Variants in SNX29 observed in about 807,000 individuals in gnomAD.
The protein encoded by SNX29 is sorting nexin-29.
In SNX29, 78 loss-of-function variants were observed where a neutral mutation model predicts 102.1. The observed-to-expected ratio is 0.76, with a 90% CI of 0.64 to 0.92. SNX29 has a LOEUF of 0.92. SNX29 is among the 40% of genes least tolerant of loss of function. The pLI is 0.00. For missense variants in SNX29, 1,280 were observed against 1,061.7 expected (o/e 1.21, Z -2.86); for synonymous variants, 580 against 414.5 (o/e 1.40, Z -4.85).
chr16:12,217,418 G>A (rs2077353010), intron 14 of SNX29, among the ~76,000 whole-genome samples: 1 of 152,186 alleles, frequency 6.6e-6, no homozygotes, highest in African/African-American at 2.4e-5. Flanking sequence ...GAGATACGGT[G>A]ATGGGGTCAG....
chr16:12,329,615 A>G (rs138274820), intron 15 of SNX29, among the ~76,000 whole-genome samples: 118 of 152,296 alleles, frequency 7.7e-4, no homozygotes, highest in Middle Eastern at 3.4e-3. Flanking sequence ...ACACAGCCCT[A>G]TGCAATAAAC....
chr16:12,406,520 C>T (rs1453388404), intron 18 of SNX29, among the ~76,000 whole-genome samples: 1 of 152,236 alleles, frequency 6.6e-6, no homozygotes, highest in African/African-American at 2.4e-5. Context: ...AGACATGTAG[C>T]TTTCTCAGGA....
intron 15 of SNX29, among the ~76,000 whole-genome samples, chr16:12,327,937 A>C (rs1017873262): frequency 3.3e-5 from 5 of 152,192 alleles, no homozygotes; most frequent in African/African-American, 1.2e-4. Context: ...GGATTTCCGC[A>C]TAATCTCCGT....
chr16:12,122,427 C>A (rs1427653502), intron 11 of SNX29, among the ~76,000 whole-genome samples: 2 of 151,934 alleles, frequency 1.3e-5, no homozygotes, highest in Non-Finnish European at 2.9e-5. Context: ...CAGGGCAGGC[C>A]CACGGACTCC....
chr16:12,127,265 A>T (rs979060139), intron 12 of SNX29, among the ~76,000 whole-genome samples: 104 of 151,910 alleles, frequency 6.8e-4, no homozygotes, highest in Non-Finnish European at 9.3e-4. Flanking sequence ...TCTCAAAAAA[A>T]AAAAATAAAA....
chr16:12,317,526 G>A (rs1490057199), intron 15 of SNX29, among the ~76,000 whole-genome samples: 1 of 152,176 alleles, frequency 6.6e-6, no homozygotes, highest in African/African-American at 2.4e-5. Flanking sequence ...TGGCCTCAAG[G>A]ATGGGAACGT....
intron 13 of SNX29, among the ~76,000 whole-genome samples, chr16:12,175,651 C>CAA (rs367874903): frequency 0.2 from 23,470 of 117,182 alleles, 2,099 homozygotes; most frequent in East Asian, 0.29. Context: ...GACTCCGTCT[C>CAA]AAAAAAAAAA....
intron 19 of SNX29, among the ~76,000 whole-genome samples, chr16:12,492,466 C>T (rs954276202): frequency 9.9e-5 from 15 of 152,198 alleles, no homozygotes; most frequent in Non-Finnish European, 1.3e-4. Context: ...AAAATTTTCT[C>T]CCATTTTGCA....
intron 20 of SNX29, chr16:12,526,564 T>G (rs780764031): frequency 1.7e-5 from 9 of 528,424 alleles, no homozygotes; most frequent in Non-Finnish European, 3.3e-5. Flanking sequence ...TGGATCTCAC[T>G]GTTTGGAAAT....
intron 18 of SNX29, among the ~76,000 whole-genome samples, chr16:12,432,668 G>A (rs545901691): frequency 2.6e-5 from 4 of 152,220 alleles, no homozygotes; most frequent in East Asian, 3.8e-4. Context: ...TGTGATGTCC[G>A]AGTACAGGGC....
chr16:11,982,300 A>AT (rs2055434947), intron 1 of SNX29, among the ~76,000 whole-genome samples: 1 of 151,824 alleles, frequency 6.6e-6, no homozygotes, highest in Non-Finnish European at 1.5e-5. Context: ...AGGAATGCTG[A>AT]TTTTCAGATA....
At chr16:12,386,085 G>A (rs531345804) in intron 16 of SNX29, among the ~76,000 whole-genome samples, 3 of 152,312 alleles carry the variant, frequency 2.0e-5, no homozygotes, top group South Asian at 2.1e-4. Flanking sequence ...GGCTGCACAC[G>A]GAGACTCCAG....
intron 20 of SNX29, among the ~76,000 whole-genome samples, chr16:12,565,445 C>A (rs543290591): frequency 1.4e-3 from 218 of 152,266 alleles, no homozygotes; most frequent in Non-Finnish European, 1.9e-3. Context: ...CTCACCTGCC[C>A]CCTCCTCATC....
chr16:12,350,535 T>C (rs1017811009), intron 15 of SNX29, among the ~76,000 whole-genome samples: 4 of 152,196 alleles, frequency 2.6e-5, no homozygotes, highest in Non-Finnish European at 5.9e-5. Context: ...CCATCCGCTG[T>C]GGGCAGGCAG....
intron 20 of SNX29, chr16:12,527,486 G>C (rs1458326218): frequency 2.3e-6 from 1 of 429,264 alleles, no homozygotes; most frequent in South Asian, 2.2e-5. Context: ...AAGTCCATTT[G>C]AGTTACTGAA....
At chr16:12,015,873 TA>T (rs2056832166) in intron 3 of SNX29, among the ~76,000 whole-genome samples, 2 of 151,296 alleles carry the variant, frequency 1.3e-5, no homozygotes, top group Non-Finnish European at 2.9e-5. Context: ...TTTATTTATT[TA>T]TTTTTTTTGG....
At chr16:12,506,553 G>T (rs900383124) in intron 19 of SNX29, among the ~76,000 whole-genome samples, 1 of 152,190 alleles carries the variant, frequency 6.6e-6, no homozygotes, top group Non-Finnish European at 1.5e-5. Flanking sequence ...GATACGGAGG[G>T]AATAGCATCA....
intron 11 of SNX29, among the ~76,000 whole-genome samples, chr16:12,119,295 G>T (rs1247978961): frequency 6.6e-6 from 1 of 152,210 alleles, no homozygotes; most frequent in South Asian, 2.1e-4. Flanking sequence ...TGGGATGCCT[G>T]CCTTAAGGAT....
At chr16:12,541,940 C>T (rs920800934) in intron 20 of SNX29, among the ~76,000 whole-genome samples, 1 of 152,182 alleles carries the variant, frequency 6.6e-6, no homozygotes, top group Non-Finnish European at 1.5e-5. Context: ...ATCCTGGGCC[C>T]ACACAAGAGG....
Sources: allele counts gnomAD v4.1 joint callset (sites outside exome capture counted in the v4.1 genomes callset), GRCh38; gene constraint gnomAD v4.1.1; transcripts MANE v1.5; gene names NCBI Gene and HGNC (gene_info 2026-07-23, HGNC 2026-07-21).